Variants in SRPRB observed in about 807,000 individuals in gnomAD.
SRPRB encodes the protein SRP receptor subunit beta.
A neutral mutation model predicts 31.9 loss-of-function variants in SRPRB; 20 were observed. The observed-to-expected ratio is 0.63, with a 90% CI of 0.44 to 0.91. The LOEUF (loss-of-function observed/expected upper bound fraction) is 0.91. SRPRB is among the 40% of genes least tolerant of loss of function. The probability of loss-of-function intolerance (pLI) is 0.00; values close to 1 mark genes in which losing one functional copy is unlikely to be tolerated. For missense variants in SRPRB, 321 were observed against 324.9 expected (o/e 0.99, Z 0.09); for synonymous variants, 146 against 132.8 (o/e 1.10, Z -0.68).
intron 1 of SRPRB, among the ~76,000 whole-genome samples, chr3:133,797,371 T>G (rs567754652): frequency 2.6e-5 from 4 of 152,360 alleles, no homozygotes; most frequent in African/African-American, 9.6e-5. Flanking sequence ...TAGGCCATGT[T>G]CCTATTTAGA....
intron 1 of SRPRB, chr3:133,785,094 AG>A (rs1934628612): frequency 1.1e-5 from 1 of 88,916 alleles, no homozygotes; most frequent in East Asian, 4.1e-4. Context: ...CCCCTCTGCC[AG>A]GCCAGCCGCC....
At chr3:133,818,719 C>T (rs114447313) in intron 6 of SRPRB, among the ~76,000 whole-genome samples, 130 of 152,052 alleles carry the variant, frequency 8.5e-4, no homozygotes, top group African/African-American at 2.9e-3. Flanking sequence ...TGTTTCTCCC[C>T]AAAAGCTTTT....
upstream of SRPRB, chr3:133,805,800 G>A (rs374294188): frequency 1.3e-6 from 2 of 1,570,196 alleles, no homozygotes; most frequent in South Asian, 1.2e-5. Context: ...CCTGCGCAGA[G>A]TGCAGGGCCA....
rs574136075 is a variant in SRPRB at position 133,817,493 on chromosome 3, T to C, written c.602+561T>C. Among the ~76,000 whole-genome samples the C allele has an allele frequency of 5.3e-4, 81 of 152,310 alleles. 1 individual carries two copies. The highest frequency in any genetic ancestry group is 1.9e-3 in the African/African-American group (78 of 41,576). On this transcript the variant is annotated intron_variant, in intron 6 of 6. Transcript: ENST00000678299. ...ATTGTTAAAATACTTGGCAATATTA[T>C]ATATCCTGCTTTGAGTGTTTCAAGG...
chr3:133,816,860 G>C lies in SRPRB; in HGVS notation c.548-18G>C. On this transcript the variant is annotated intron_variant, in intron 5 of 6. Coordinates refer to ENST00000678299, the MANE Select transcript of SRPRB (RefSeq NM_001379313.1). ...TCATTCTCGTTTAAACTACAACAGT[G>C]TCTTTATTTCTTTACAGATATTGCA... The C allele has an allele frequency of 6.3e-7, 1 of 1,598,980 alleles. No individual in the cohort carries two copies. The highest frequency in any genetic ancestry group is 8.5e-7 in the Non-Finnish European group (1 of 1,172,190).
At chr3:133,790,466 G>A (rs916603736) in intron 1 of SRPRB, 1 of 152,142 alleles carries the variant, frequency 6.6e-6, no homozygotes, top group East Asian at 1.9e-4. Flanking sequence ...ATTTGAAAAG[G>A]TTACTTATGA....
upstream of SRPRB, among the ~76,000 whole-genome samples, chr3:133,804,150 C>G (rs1935108727): frequency 6.7e-6 from 1 of 149,610 alleles, no homozygotes; most frequent in South Asian, 2.1e-4. Context: ...GAGACAGAGT[C>G]TCACTATGTT....
chr3:133,823,222 A>G (rs1935501925), downstream of SRPRB, among the ~76,000 whole-genome samples: 1 of 152,146 alleles, frequency 6.6e-6, no homozygotes, highest in African/African-American at 2.4e-5. Flanking sequence ...TGTGAGGCAC[A>G]TGGCCATGTT....
chr3:133,823,637 T>G (rs1935509765), downstream of SRPRB, among the ~76,000 whole-genome samples: 1 of 152,212 alleles, frequency 6.6e-6, no homozygotes, highest in Non-Finnish European at 1.5e-5. Flanking sequence ...TTACCTAATC[T>G]TGGCCTTTGT....
At chr3:133,792,160 T>C (rs978410535) in intron 1 of SRPRB, 1 of 152,146 alleles carries the variant, frequency 6.6e-6, no homozygotes, top group Admixed American at 6.5e-5. Flanking sequence ...TGGGGACAAA[T>C]AGAATTAGCC....
intron 1 of SRPRB, among the ~76,000 whole-genome samples, chr3:133,799,427 A>G (rs539507705): frequency 6.6e-6 from 1 of 152,350 alleles, no homozygotes; most frequent in South Asian, 2.1e-4. Flanking sequence ...TCAGATGTAT[A>G]GTATATAATC....
chr3:133,801,710 T>C (rs1369741989), upstream of SRPRB, among the ~76,000 whole-genome samples: 1 of 152,298 alleles, frequency 6.6e-6, no homozygotes, highest in East Asian at 1.9e-4. Flanking sequence ...TCAGTGGTTA[T>C]ATTATACAAG....
chr3:133,825,164 G>C (rs3811659), downstream of SRPRB: 35,009 of 152,088 alleles, frequency 0.23, 4,385 homozygotes, highest in East Asian at 0.41. Flanking sequence ...CGGCTACCTG[G>C]TCCCATCTCA....
chr3:133,791,296 C>G (rs544535573), intron 1 of SRPRB: 1 of 152,280 alleles, frequency 6.6e-6, no homozygotes, highest in African/African-American at 2.4e-5. Flanking sequence ...TCATATTTCT[C>G]TGTCTGCCCA....
chr3:133,785,724 CATT>C (rs1299830613), intron 1 of SRPRB: 1 of 62,882 alleles, frequency 1.6e-5, no homozygotes, highest in Non-Finnish European at 3.5e-5. Flanking sequence ...CCCAACAGCT[CATT>C]GAGAACGGGC....
chr3:133,793,373 T>G (rs1327968345), intron 1 of SRPRB: 2 of 152,146 alleles, frequency 1.3e-5, no homozygotes. Context: ...AAATCAAATT[T>G]CAGCTTCAAA....
At chr3:133,826,401 T>A (rs1436744032), downstream of SRPRB, 2 of 152,254 alleles carry the variant, frequency 1.3e-5, no homozygotes, top group African/African-American at 4.8e-5. Context: ...GATGTTTTTT[T>A]AAAAAAGCTA....
intron 1 of SRPRB, among the ~76,000 whole-genome samples, chr3:133,799,531 ATAAT>A (rs2107962869): frequency 6.6e-6 from 1 of 152,352 alleles, no homozygotes; most frequent in East Asian, 1.9e-4. Flanking sequence ...AGAGAAAAAA[ATAAT>A]TATTTTAATT....
intron 6 of SRPRB, 103 bp from the exon 7 acceptor site, chr3:133,819,450 C>A: frequency 1.0e-6 from 1 of 999,480 alleles, no homozygotes; most frequent in Non-Finnish European, 1.4e-6. Flanking sequence ...ATTGGCAATT[C>A]TATAGTTAAG....
Sources: allele counts gnomAD v4.1 joint callset (sites outside exome capture counted in the v4.1 genomes callset), GRCh38; gene constraint gnomAD v4.1.1; transcripts MANE v1.5; gene names NCBI Gene and HGNC (gene_info 2026-07-23, HGNC 2026-07-21).